The following TASP1 variants were observed in gnomAD, a reference collection of about 807,000 sequenced individuals.
The protein encoded by TASP1 is taspase 1, also known as threonine aspartase 1.
In TASP1, 16 loss-of-function variants were observed where a neutral mutation model predicts 56.6. The observed-to-expected ratio is 0.28, with a 90% CI of 0.19 to 0.43. TASP1 has a LOEUF of 0.43. Ranked by LOEUF, TASP1 falls within the 20% of genes least tolerant of loss-of-function variation. The probability of loss-of-function intolerance (pLI) is 1.00; values close to 1 mark genes in which losing one functional copy is unlikely to be tolerated. For synonymous variants in TASP1, 179 were observed against 184.2 expected (o/e 0.97, Z 0.23); for missense variants, 393 against 511.6 (o/e 0.77, Z 2.24).
the TASP1 span, among the ~76,000 whole-genome samples, chr20:13,360,635 A>T: frequency 6.6e-6 from 1 of 152,198 alleles, no homozygotes; most frequent in Non-Finnish European, 1.5e-5. Context: ...AGAGGCCCTC[A>T]AAATCACAAA....
intron 11 of TASP1, among the ~76,000 whole-genome samples, chr20:13,468,018 AAAAAACAAAAAC>A (rs151335556): frequency 0.036 from 5,537 of 151,722 alleles, 258 homozygotes; most frequent in African/African-American, 0.11. Context: ...CTCCATCTCA[AAAAAACAAAAAC>A]AAAAACAAAA....
intron 11 of TASP1, among the ~76,000 whole-genome samples, chr20:13,455,068 CA>C (rs1177014315): frequency 6.6e-6 from 1 of 151,576 alleles, no homozygotes; most frequent in African/African-American, 2.4e-5. Context: ...ATAAATAAAA[CA>C]AAAATAAGGA....
intron 11 of TASP1, among the ~76,000 whole-genome samples, chr20:13,439,498 G>T (rs1344115559): frequency 6.6e-6 from 1 of 152,070 alleles, no homozygotes; most frequent in Admixed American, 6.6e-5. Context: ...ACACACCGGG[G>T]CCTGTTGTGG....
chr20:13,583,111 T>C (rs147418051), intron 5 of TASP1, among the ~76,000 whole-genome samples: 4 of 152,334 alleles, frequency 2.6e-5, no homozygotes, highest in African/African-American at 4.8e-5. Flanking sequence ...ATTCAGGTCA[T>C]TGATACCCAC....
chr20:13,209,370 A>G, the TASP1 span, among the ~76,000 whole-genome samples: 1 of 152,192 alleles, frequency 6.6e-6, no homozygotes, highest in African/African-American at 2.4e-5. Flanking sequence ...TGTAGGTTGC[A>G]TATTTCCTTG....
chr20:13,393,752 C>G (rs1282435723), intron 13 of TASP1: 1 of 681,090 alleles, frequency 1.5e-6, no homozygotes, highest in African/African-American at 1.8e-5. Flanking sequence ...CCTGCCCACA[C>G]TCAGTCCCCT....
chr20:13,270,486 C>A, the TASP1 span: 1 of 1,602,544 alleles, frequency 6.2e-7, no homozygotes, highest in Non-Finnish European at 8.5e-7. Flanking sequence ...CAGGTGTTTG[C>A]TTGTTTGTTT....
intron 11 of TASP1, among the ~76,000 whole-genome samples, chr20:13,437,662 C>T (rs2146207212): frequency 6.6e-6 from 1 of 152,254 alleles, no homozygotes; most frequent in East Asian, 1.9e-4. Flanking sequence ...TCAGCAAAGT[C>T]TCAGGATACA....
chr20:13,251,240 C>T, the TASP1 span, among the ~76,000 whole-genome samples: 1 of 152,198 alleles, frequency 6.6e-6, no homozygotes, highest in African/African-American at 2.4e-5. Context: ...CCGCTCCCTG[C>T]TTCCATTCCA....
At chr20:13,558,064 G>T (rs748019795) in intron 8 of TASP1, among the ~76,000 whole-genome samples, 4 of 151,792 alleles carry the variant, frequency 2.6e-5, no homozygotes, top group African/African-American at 9.7e-5. Flanking sequence ...TGATTATCTC[G>T]TGGCAACACA....
chr20:13,422,374 TTTTTA>T (rs1338077314), intron 12 of TASP1, among the ~76,000 whole-genome samples: 17 of 152,208 alleles, frequency 1.1e-4, no homozygotes, highest in African/African-American at 4.1e-4. Flanking sequence ...CTCTATGCTT[TTTTTA>T]TTGGTCATCA....
In TASP1 at chr20:13,483,274, T is replaced by G; in HGVS notation, c.938A>C (p.Glu313Ala). The change falls in exon 11 of 14, where the codon GAG (glutamate) becomes GCG (alanine). Residue 313 changes from glutamate to alanine, a missense_variant. Glu to Ala is a moderately radical substitution (Grantham distance 107, BLOSUM62 -1). Around this residue, in one of 3 missense-constraint regions of TASP1, gnomAD observed 293 missense variants for 354.2 expected, o/e 0.83. Transcript: ENST00000337743. Reference sequence around the variant, plus strand: ...CTCCAACAGGGCTTGGTGAGCATCCTCAGCTTGTAAAGCATGTGAACATTC... The same window carrying G: ...CTCCAACAGGGCTTGGTGAGCATCCGCAGCTTGTAAAGCATGTGAACATTC... The part of the protein sequence containing the change: ...ARECSHALQA[E>A]DAHQALLETM... 1 of 1,604,372 alleles carries G rather than the reference T, an allele frequency of 6.2e-7. No homozygotes were observed. Among genetic ancestry groups the G allele is most frequent in the Non-Finnish European group, 8.5e-7 (1 of 1,174,992 alleles).
chr20:13,178,665 G>A, the TASP1 span, among the ~76,000 whole-genome samples: 12 of 150,154 alleles, frequency 8.0e-5, no homozygotes, highest in East Asian at 1.9e-4. Flanking sequence ...TAAACACCAC[G>A]TGTTCTCACT....
At chr20:13,225,105 G>A in the TASP1 span, among the ~76,000 whole-genome samples, 59 of 150,792 alleles carry the variant, frequency 3.9e-4, no homozygotes, top group African/African-American at 6.6e-4. Context: ...CGCCCGCCTT[G>A]GCCTCCCAAA....
intron 10 of TASP1, among the ~76,000 whole-genome samples, chr20:13,489,336 C>A (rs1277353544): frequency 6.6e-6 from 1 of 152,120 alleles, no homozygotes; most frequent in South Asian, 2.1e-4. Flanking sequence ...CTACAAGGGG[C>A]CTGTGAAATA....
chr20:13,107,607 A>G, the TASP1 span, among the ~76,000 whole-genome samples: 1 of 152,272 alleles, frequency 6.6e-6, no homozygotes, highest in East Asian at 1.9e-4. Flanking sequence ...GAAAAAAACA[A>G]AGAAAAGGAA....
chr20:13,274,550 C>G, the TASP1 span, among the ~76,000 whole-genome samples: 1 of 152,188 alleles, frequency 6.6e-6, no homozygotes, highest in African/African-American at 2.4e-5. Context: ...CACCTCCCCA[C>G]CCCTTCAGGC....
intron 11 of TASP1, among the ~76,000 whole-genome samples, chr20:13,446,473 T>C (rs1332855153): frequency 6.6e-6 from 1 of 152,138 alleles, no homozygotes; most frequent in African/African-American, 2.4e-5. Context: ...AAACCACCCC[T>C]GTAGGTTTTA....
At chr20:13,224,398 C>T in the TASP1 span, among the ~76,000 whole-genome samples, 62 of 152,278 alleles carry the variant, frequency 4.1e-4, no homozygotes, top group Non-Finnish European at 7.5e-4. Context: ...TTTCAGGCCC[C>T]AGAAAGTGAA....
Sources: allele counts gnomAD v4.1 joint callset (sites outside exome capture counted in the v4.1 genomes callset), GRCh38; gene constraint gnomAD v4.1.1; regional missense constraint gnomAD v4.1.1; transcripts MANE v1.5; gene names NCBI Gene and HGNC (gene_info 2026-07-23, HGNC 2026-07-21).